MYH9: variants seen among roughly 807,000 people sequenced by gnomAD.
MYH9 encodes the protein myosin-9.
Under a neutral mutation model 241.9 loss-of-function variants are expected in MYH9, and 29 were observed. The observed-to-expected ratio is 0.12, with a 90% confidence interval of 0.09 to 0.16. MYH9 has a LOEUF of 0.16. Ranked by LOEUF, MYH9 falls within the 10% of genes least tolerant of loss-of-function variation. The pLI, the probability that MYH9 is intolerant of heterozygous loss-of-function variation, is 1.00. For missense variants in MYH9, 1,803 were observed against 2,595.5 expected, an observed-to-expected ratio of 0.69 and a Z score of 6.63; for synonymous variants, 1,047 against 1,062.6, an observed-to-expected ratio of 0.99 and a Z score of 0.29.
Position 36,288,972 on chromosome 22 carries a change from G to C in MYH9, c.4558-33C>G, listed in dbSNP as rs199692747. On this transcript the variant is annotated intron_variant, in intron 32 of 40. Transcript: ENST00000216181. This position sits in a 1 kb window ranked among gnomAD's most constrained non-coding sequence, Gnocchi z 4.8. Reference sequence around the variant, plus strand: ...CCAGAGAGCCCAAGTCAGGAGCAAAGGGACTGGCAGGTACCTGGGTCTGCG... The same window carrying C: ...CCAGAGAGCCCAAGTCAGGAGCAAACGGACTGGCAGGTACCTGGGTCTGCG... 5.0e-6 allele frequency: 8 copies of C among 1,613,336 alleles called. No homozygotes were observed. The highest frequency in any genetic ancestry group is 2.7e-5 in the African/African-American group (2 of 75,034).
chr22:36,294,203 G>A lies in MYH9; in HGVS notation c.3726C>T (p.Asp1242=), dbSNP rs766751455. 9.3e-6 allele frequency: 15 copies of A among 1,614,034 alleles called. No homozygotes were observed. Among genetic ancestry groups the A allele is most frequent in the Non-Finnish European group, 1.2e-5 (14 of 1,180,034 alleles). ...CCACTTTCTTGCGCTTGTGCTCCGA[G>A]TCCCCTTTGCCCTGCAGCAGCACCT... ...EVKVLLQGKG[D]SEHKRKKVEA... Residue 1242 remains aspartate, a synonymous_variant, in exon 28 of 41, where the codon GAC becomes GAT. Coordinates refer to ENST00000216181, the MANE Select transcript of MYH9 (RefSeq NM_002473.6).
In MYH9 at chr22:36,305,146, G is replaced by T; in HGVS notation, c.2160-44C>A. 1.4e-6 allele frequency: 2 copies of T among 1,480,946 alleles called. No homozygotes were observed. Among genetic ancestry groups the T allele is most frequent in the South Asian group, 1.1e-5 (1 of 88,154 alleles). 91.7% of individuals were successfully genotyped at this position (1,480,946 alleles called of 1,614,324 possible). A position where few individuals can be genotyped will look rare whatever the true frequency, so the allele number is the denominator to read the frequency against. On this transcript the variant is annotated intron_variant, in intron 17 of 40. Transcript: ENST00000216181. This position sits in a 1 kb window ranked among gnomAD's most constrained non-coding sequence, Gnocchi z 4.7. Reference sequence around the variant, plus strand: ...GCCTGGTCATTTTACCCATTGCCTCGATTCCACATGCCTGGAATATAGGCG... The same window carrying T: ...GCCTGGTCATTTTACCCATTGCCTCTATTCCACATGCCTGGAATATAGGCG...
rs1293405809 is a variant in MYH9, at chr22:36,330,784, A to G, written c.491-3296T>C. Among the ~76,000 whole-genome samples the G allele has an allele frequency of 6.6e-5, 10 of 151,962 alleles. No individual in the cohort carries two copies. The highest frequency in any genetic ancestry group is 6.6e-4 in the Admixed American group (10 of 15,246). On this transcript the variant is annotated intron_variant, in intron 3 of 40. Coordinates refer to ENST00000216181, the MANE Select transcript of MYH9 (RefSeq NM_002473.6). The surrounding 1 kb of genome is among the most constrained non-coding windows in gnomAD (Gnocchi z 4.5). ...TTTGGCCTGTAAGGACTGAAGGCTT[A>G]TTTGAAAACGCCCTTCCTTCCTCTA...
chr22:36,387,479 G>T (rs949998370), intron 1 of MYH9, among the ~76,000 whole-genome samples: 4 of 152,060 alleles, frequency 2.6e-5, no homozygotes, highest in Non-Finnish European at 5.9e-5. Context: ...GCGTGCCCCA[G>T]CGGCTGGGGG....
intron 27 of MYH9, among the ~76,000 whole-genome samples, chr22:36,294,628 G>A (rs1293851311): frequency 2.0e-5 from 3 of 152,232 alleles, no homozygotes; most frequent in African/African-American, 4.8e-5. Context: ...TATTTGTAAC[G>A]CAATAAGGGG....
rs755833335 is a variant in MYH9, at chr22:36,300,197, G to A, written c.2906C>T (p.Thr969Ile). 1.9e-6 allele frequency: 3 copies of A among 1,613,556 alleles called. No homozygotes were observed. The highest frequency in any genetic ancestry group is 2.2e-5 in the South Asian group (2 of 91,084). ...CTCCAGCTTTTTCAGCTTCGCCTCG[G>A]TGGTCACCTTCTCCAGCTGCAGCTT... ...RQKLQLEKVT[T>I]EAKLKKLEEE... The change falls in exon 23 of 41, where the codon ACC becomes ATC. Residue 969 changes from threonine to isoleucine, a missense_variant. Around this residue, in one of 11 missense-constraint regions of MYH9, gnomAD observed 290 missense variants for 360.5 expected, o/e 0.80. Coordinates refer to ENST00000216181, the MANE Select transcript of MYH9 (RefSeq NM_002473.6). This position sits in a 1 kb window ranked among gnomAD's most constrained non-coding sequence, Gnocchi z 5.0.
In MYH9 at chr22:36,301,046, C is replaced by T; in HGVS notation, c.2643G>A (p.Glu881=). 6.2e-7 allele frequency: 1 copy of T among 1,610,120 alleles called. No individual in the cohort carries two copies. The highest frequency in any genetic ancestry group is 1.1e-5 in the South Asian group (1 of 91,092). Residue 881 remains glutamate, a synonymous_variant, in exon 22 of 41, where the codon GAG becomes GAA. Coordinates refer to ENST00000216181, the MANE Select transcript of MYH9 (RefSeq NM_002473.6). Reference sequence around the variant, plus strand: ...GGAGCTGCTCCTGCAGCTGCAATTTCTCTGCCATGAGCTGCAAACAACAAG... The same window carrying T: ...GGAGCTGCTCCTGCAGCTGCAATTTTTCTGCCATGAGCTGCAAACAACAAG... ...METLQSQLMA[E]KLQLQEQLQA...
At chr22:36,294,327 T>C (rs1218433959) in intron 27 of MYH9, 29 bp from the exon 28 acceptor site, 2 of 1,608,388 alleles carry the variant, frequency 1.2e-6, no homozygotes, top group Admixed American at 3.3e-5. Flanking sequence ...AAGACGTGAG[T>C]GGGGGCCTCC....
In MYH9 at chr22:36,293,761, G is replaced by C. The variant is rs2016743402; in HGVS notation, c.3940C>G (p.Gln1314Glu). The change falls in exon 29 of 41, where the codon CAG becomes GAG. Residue 1314 changes from glutamine (Q) to glutamate (E), a missense_variant and splice_region_variant. Around this residue, in one of 11 missense-constraint regions of MYH9, gnomAD observed 876 missense variants for 1,077.8 expected, o/e 0.81. Transcript: ENST00000216181. This position sits in a 1 kb window ranked among gnomAD's most constrained non-coding sequence, Gnocchi z 5.1. ...TGGGAACCTGGCGCCACCCCTACCT[G>C]AGTGTCCTGCAGCTGGGACTCCAGC... The part of the protein sequence containing the change: ...SALESQLQDT[Q>E]ELLQEENRQK... 2 of 1,613,474 alleles carry C rather than the reference G, an allele frequency of 1.2e-6. No homozygotes were observed. Among genetic ancestry groups the C allele is most frequent in the Non-Finnish European group, 1.7e-6 (2 of 1,179,890 alleles).
rs764746351 is a variant in MYH9 at position 36,312,109 on chromosome 22, G to C, written c.1668C>G (p.Phe556Leu). ...VMQEQGTHPK[F>L]QKPKQLKDKA... is the part of the protein sequence containing the mutation. ...TGTCCTTCAGCTGCTTGGGCTTCTG[G>C]AACTTGGGGTGGGTGCCCTGCTCCT... The change falls in exon 14 of 41, where the codon TTC (phenylalanine) becomes TTG (leucine). Residue 556 changes from phenylalanine (F) to leucine (L), a missense_variant. Physicochemically the swap from Phe to Leu is conservative, Grantham distance 22. Coordinates refer to ENST00000216181, the MANE Select transcript of MYH9 (RefSeq NM_002473.6). 9 of 1,614,076 alleles carry C rather than the reference G, an allele frequency of 5.6e-6. No homozygotes were observed. The highest frequency in any genetic ancestry group is 7.6e-6 in the Non-Finnish European group (9 of 1,180,044).
At chr22:36,290,703 A>G in intron 31 of MYH9, among the ~76,000 whole-genome samples, 3 of 137,618 alleles carry the variant, frequency 2.2e-5, no homozygotes, top group South Asian at 2.4e-4. Context: ...GGAGGTGAGG[A>G]GCGCCTCTTC....
Position 36,316,512 on chromosome 22 carries a change from C to T in MYH9, c.1380+5G>A. On this transcript the variant is annotated splice_donor_5th_base_variant and intron_variant, in intron 12 of 40. Coordinates refer to ENST00000216181, the MANE Select transcript of MYH9 (RefSeq NM_002473.6). ...GCAGGGTGGGTAATGAAGGGCAAGGCTCACATCAAAGATCTCGAAGCCGGC... is the reference window on the plus strand; with the variant it reads ...GCAGGGTGGGTAATGAAGGGCAAGGTTCACATCAAAGATCTCGAAGCCGGC... 1 of 1,614,110 alleles carries T rather than the reference C, an allele frequency of 6.2e-7. No homozygotes were observed. The highest frequency in any genetic ancestry group is 8.5e-7 in the Non-Finnish European group (1 of 1,180,014).
intron 5 of MYH9, chr22:36,325,182 CAG>C (rs1473151626): frequency 1.4e-6 from 1 of 721,530 alleles, no homozygotes; most frequent in Non-Finnish European, 2.6e-6. Flanking sequence ...GAGAGAGAGA[CAG>C]AGAGGGAGAC....
rs201415443 is a variant in MYH9 at position 36,349,205 on chromosome 22, T to C, written c.32A>G (p.Tyr11Cys). The C allele has an allele frequency of 3.0e-4, 484 of 1,614,084 alleles. No individual in the cohort carries two copies. Among genetic ancestry groups the C allele is most frequent in the Non-Finnish European group, 4.0e-4 (474 of 1,180,054 alleles). The change falls in exon 2 of 41, where the codon TAT becomes TGT. Residue 11 changes from tyrosine to cysteine, a missense_variant. Coordinates refer to ENST00000216181, the MANE Select transcript of MYH9 (RefSeq NM_002473.6). Reference sequence around the variant, plus strand: ...ATTGTTGATGAAGTTTTTATCCACATAGAGATACTTATCGGCAGCTTGCTG... The same window carrying C: ...ATTGTTGATGAAGTTTTTATCCACACAGAGATACTTATCGGCAGCTTGCTG... MAQQAADKYL[Y>C]VDKNFINNPL...
At chr22:36,352,791 T>C (rs2017789092) in intron 1 of MYH9, among the ~76,000 whole-genome samples, 1 of 152,110 alleles carries the variant, frequency 6.6e-6, no homozygotes, top group Non-Finnish European at 1.5e-5. Flanking sequence ...CAGCTGAAGG[T>C]CAGAGCCCCA....
intron 40 of MYH9, among the ~76,000 whole-genome samples, chr22:36,283,731 G>A (rs1353605012): frequency 6.6e-6 from 1 of 152,302 alleles, no homozygotes; most frequent in East Asian, 1.9e-4. Context: ...AACACTCCCT[G>A]AGAAACGCAA....
chr22:36,294,386 T>C (rs2016756909), intron 27 of MYH9, 88 bp from the exon 28 acceptor site: 1 of 1,428,610 alleles, frequency 7.0e-7, no homozygotes, highest in African/African-American at 1.4e-5. Flanking sequence ...GATCCAGACA[T>C]CGCTGCTTCT....
At chr22:36,382,540 T>C (rs1479251174) in intron 1 of MYH9, among the ~76,000 whole-genome samples, 4 of 145,968 alleles carry the variant, frequency 2.7e-5, no homozygotes, top group Non-Finnish European at 4.5e-5. Context: ...TGGTGGCTCA[T>C]GCCTATAATC....
In MYH9 at chr22:36,312,083, T is replaced by C. The variant is rs1285851674; in HGVS notation, c.1694A>G (p.Lys565Arg). ...ATAGTGGATAATGCAGAAATCAGCT[T>C]TGTCCTTCAGCTGCTTGGGCTTCTG... The part of the protein sequence containing the change: ...KFQKPKQLKD[K>R]ADFCIIHYAG... The change falls in exon 14 of 41, where the codon AAA becomes AGA. Residue 565 changes from lysine to arginine, a missense_variant. By Grantham distance (26) the Lys-to-Arg change is conservative. This residue lies in a region of MYH9 where 163 missense variants were observed against 349.7 expected (regional missense o/e 0.47). Transcript: ENST00000216181. 1.9e-6 allele frequency: 3 copies of C among 1,614,072 alleles called. No homozygotes were observed. The highest frequency in any genetic ancestry group is 2.2e-5 in the South Asian group (2 of 91,086).
Sources: gnomAD v4.1 joint callset for allele counts (sites outside exome capture counted in the v4.1 genomes callset) on GRCh38, gnomAD v4.1.1 for gene constraint, gnomAD v4.1.1 regional missense constraint, Gnocchi (gnomAD v3.1) non-coding constraint, MANE v1.5 for transcripts, NCBI Gene and HGNC (gene_info 2026-07-23, HGNC 2026-07-21) for gene names.